RABGAP1L: variants seen among roughly 807,000 people sequenced by gnomAD.
The protein encoded by RABGAP1L is RAB GTPase activating protein 1 like.
Under a neutral mutation model 137.7 loss-of-function variants are expected in RABGAP1L, and 63 were observed. That is an observed-to-expected ratio of 0.46 (90% CI 0.37 to 0.56). RABGAP1L has a LOEUF of 0.56. Among genes scored for constraint, RABGAP1L ranks in the 20% least tolerant of loss-of-function variants. RABGAP1L has a pLI of 0.00. For synonymous variants in RABGAP1L, 431 were observed against 433.7 expected, an observed-to-expected ratio of 0.99 and a Z score of 0.08; for missense variants, 1,095 against 1,244.0, an observed-to-expected ratio of 0.88 and a Z score of 1.80.
intron 19 of RABGAP1L, among the ~76,000 whole-genome samples, chr1:174,866,758 A>G (rs1651322001): frequency 6.6e-6 from 1 of 151,712 alleles, no homozygotes; most frequent in Admixed American, 6.6e-5. Flanking sequence ...CTAAAAATAT[A>G]AAAAATGAGC....
intron 15 of RABGAP1L, among the ~76,000 whole-genome samples, chr1:174,697,482 A>C (rs1679349658): frequency 6.6e-6 from 1 of 152,018 alleles, no homozygotes; most frequent in African/African-American, 2.4e-5. Context: ...CAACATGCCC[A>C]GCTATTTTGT....
rs545819380 is a variant in RABGAP1L, at chr1:174,492,169, C to T, written c.1710+98024C>T. On this transcript the variant is annotated intron_variant, in intron 13 of 25. Transcript: ENST00000681986. ...CGCCATCTTGCTCCACCCTCTATGTCGAATTACTTTTTTTTTTTTTTTTTT... is the reference window on the plus strand; with the variant it reads ...CGCCATCTTGCTCCACCCTCTATGTTGAATTACTTTTTTTTTTTTTTTTTT... 3.7e-3 allele frequency among the ~76,000 whole-genome samples: 539 copies of T among 145,076 alleles called. 4 individuals are homozygous for T. The highest frequency in any genetic ancestry group is 0.012 in the African/African-American group (460 of 38,758).
chr1:174,210,128 G>T (rs930862409), intron 1 of RABGAP1L, among the ~76,000 whole-genome samples: 1 of 152,068 alleles, frequency 6.6e-6, no homozygotes, highest in East Asian at 1.9e-4. Flanking sequence ...TTCCCAAGAA[G>T]ATGGGTACAA....
rs1321951319 is a variant in RABGAP1L at position 174,992,136 on chromosome 1, G to C, written c.*2135G>C. ...TCATAGTCCCTTTCCTTTTAAAGAGGAGAAGAGAAAAATCCCCCCTGGCCA... is the reference window on the plus strand; with the variant it reads ...TCATAGTCCCTTTCCTTTTAAAGAGCAGAAGAGAAAAATCCCCCCTGGCCA... On this transcript the variant is annotated 3_prime_UTR_variant, in exon 26 of 26. Coordinates refer to ENST00000681986, the MANE Select transcript of RABGAP1L (RefSeq NM_001366446.1). 1 of 152,100 alleles carries C rather than the reference G, an allele frequency of 6.6e-6. No homozygotes were observed. Among genetic ancestry groups the C allele is most frequent in the African/African-American group, 2.4e-5 (1 of 41,384 alleles). The allele number at this position is 152,100 out of a possible 1,614,324, so 9.4% of individuals were successfully genotyped here. A position where few individuals can be genotyped will look rare whatever the true frequency, so the allele number is the denominator to read the frequency against.
intron 13 of RABGAP1L, among the ~76,000 whole-genome samples, chr1:174,470,706 A>G (rs560400269): frequency 2.0e-5 from 3 of 152,228 alleles, no homozygotes; most frequent in African/African-American, 7.2e-5. Flanking sequence ...GATGGAGGTT[A>G]CAGTGAGCCA....
intron 13 of RABGAP1L, among the ~76,000 whole-genome samples, chr1:174,604,308 T>G (rs1330754739): frequency 1.3e-5 from 2 of 152,186 alleles, no homozygotes; most frequent in Admixed American, 1.3e-4. Context: ...ATGTGTTTCT[T>G]TTGCTGTGAC....
chr1:174,160,973 T>C (rs1220185056), intron 1 of RABGAP1L, among the ~76,000 whole-genome samples: 1 of 152,190 alleles, frequency 6.6e-6, no homozygotes, highest in Non-Finnish European at 1.5e-5. Context: ...GCGTCCCTTA[T>C]GAAATTGACA....
At position 174,969,379 on chromosome 1, in the gene RABGAP1L, T is replaced by G. The variant is rs1471412209; in HGVS notation, c.2536T>G (p.Leu846Val). 16 of 1,548,210 alleles carry G rather than the reference T, an allele frequency of 1.0e-5. No individual in the cohort carries two copies. The highest frequency in any genetic ancestry group is 1.2e-5 in the Non-Finnish European group (14 of 1,144,920). ...VTSKIALRNDLDQAEDKADVL... is the reference protein window; with the variant it reads ...VTSKIALRNDVDQAEDKADVL... ...AAGCAAAATTGCTCTACGGAATGAC[T>G]TGGATCAGGTAATCCTTAGAAATGA... The change falls in exon 21 of 26, where the codon TTG (leucine) becomes GTG (valine). Residue 846 changes from leucine (L) to valine (V), a missense_variant. By Grantham distance (32) the Leu-to-Val change is conservative. Around this residue, in one of 4 missense-constraint regions of RABGAP1L, gnomAD observed 312 missense variants for 435.6 expected, o/e 0.72. Coordinates refer to ENST00000681986, the MANE Select transcript of RABGAP1L (RefSeq NM_001366446.1).
At position 174,689,807 on chromosome 1, in the gene RABGAP1L, A is replaced by G. The variant is rs542304895; in HGVS notation, c.1899+6211A>G. ...TTAGTCAAGATCAGTGAACACCATC[A>G]GCCCCTCCTAAACAATGGAATGGTC... On this transcript the variant is annotated intron_variant, in intron 15 of 25. Coordinates refer to ENST00000681986, the MANE Select transcript of RABGAP1L (RefSeq NM_001366446.1). Among the ~76,000 whole-genome samples, 3 of 152,262 alleles carry G rather than the reference A, an allele frequency of 2.0e-5. No individual in the cohort carries two copies. The South Asian group carries it at 6.2e-4, about 32-fold the overall frequency.
At chr1:174,647,020 G>T (rs1675022292) in intron 14 of RABGAP1L, among the ~76,000 whole-genome samples, 2 of 152,066 alleles carry the variant, frequency 1.3e-5, no homozygotes, top group South Asian at 2.1e-4. Context: ...TCTATTATTG[G>T]TGTATAGGAA....
At chr1:174,675,769 C>G (rs1677576670) in intron 14 of RABGAP1L, among the ~76,000 whole-genome samples, 1 of 152,118 alleles carries the variant, frequency 6.6e-6, no homozygotes, top group African/African-American at 2.4e-5. Flanking sequence ...AATTATAACC[C>G]AAACATAGTG....
chr1:174,694,185 TTC>T (rs1203381283), intron 15 of RABGAP1L, among the ~76,000 whole-genome samples: 4 of 152,016 alleles, frequency 2.6e-5, no homozygotes, highest in Admixed American at 2.0e-4. Flanking sequence ...GCCATTTTTT[TTC>T]TTTTTTTATT....
intron 7 of RABGAP1L, among the ~76,000 whole-genome samples, chr1:174,255,196 A>T (rs1571798997): frequency 6.6e-6 from 1 of 152,298 alleles, no homozygotes; most frequent in African/African-American, 2.4e-5. Context: ...ACAAAAAATA[A>T]TGGTGAGTCT....
chr1:174,395,072 A>G (rs970574251), intron 13 of RABGAP1L, among the ~76,000 whole-genome samples: 3 of 152,090 alleles, frequency 2.0e-5, no homozygotes, highest in Non-Finnish European at 1.5e-5. Context: ...CTTTTAAATA[A>G]GTACACCAAA....
At chr1:174,782,404 G>T (rs1380050353) in intron 18 of RABGAP1L, among the ~76,000 whole-genome samples, 1 of 152,102 alleles carries the variant, frequency 6.6e-6, no homozygotes, top group African/African-American at 2.4e-5. Context: ...TGTGATTTTT[G>T]TACATTGATT....
chr1:174,260,076 G>C (rs1558078857), intron 7 of RABGAP1L, among the ~76,000 whole-genome samples: 1 of 151,962 alleles, frequency 6.6e-6, no homozygotes, highest in African/African-American at 2.4e-5. Context: ...CTCGTGATCT[G>C]CCCGCCTCAG....
chr1:174,672,020 A>G (rs1475194604), intron 14 of RABGAP1L, among the ~76,000 whole-genome samples: 2 of 152,088 alleles, frequency 1.3e-5, no homozygotes, highest in African/African-American at 4.8e-5. Flanking sequence ...GAAGAAATAG[A>G]TGAGTAAGGA....
intron 14 of RABGAP1L, among the ~76,000 whole-genome samples, chr1:174,672,299 G>C (rs1056586048): frequency 2.2e-5 from 1 of 45,258 alleles, no homozygotes; most frequent in Non-Finnish European, 4.8e-5. Context: ...TTTTTTTTTT[G>C]ATATGGAGTC....
intron 15 of RABGAP1L, among the ~76,000 whole-genome samples, chr1:174,688,469 A>T (rs956743969): frequency 2.0e-5 from 3 of 148,472 alleles, no homozygotes; most frequent in East Asian, 1.9e-4. Context: ...GAATTTTTTT[A>T]AAAAAACTAT....
Sources: gnomAD v4.1 joint callset for allele counts (sites outside exome capture counted in the v4.1 genomes callset) on GRCh38, gnomAD v4.1.1 for gene constraint, gnomAD v4.1.1 regional missense constraint, MANE v1.5 for transcripts, NCBI Gene and HGNC (gene_info 2026-07-23, HGNC 2026-07-21) for gene names.